THADA: variants seen among roughly 807,000 people sequenced by gnomAD.
THADA encodes tRNA (32-2'-O)-methyltransferase regulator THADA.
In THADA, 213 loss-of-function variants were observed where a neutral mutation model predicts 219.8. That is an observed-to-expected ratio of 0.97 (90% CI 0.87 to 1.09). The LOEUF is 1.09. Ranked by LOEUF, THADA falls within the 50% of genes least tolerant of loss-of-function variation. The pLI is 0.00. For synonymous variants in THADA, 1,018 were observed against 828.9 expected, an observed-to-expected ratio of 1.23 and a Z score of -3.92; for missense variants, 2,956 against 2,311.3, an observed-to-expected ratio of 1.28 and a Z score of -5.72.
intron 22 of THADA, among the ~76,000 whole-genome samples, chr2:43,516,915 T>C (rs971787815): frequency 3.3e-5 from 5 of 152,188 alleles, no homozygotes; most frequent in African/African-American, 1.2e-4. Flanking sequence ...GGGCACGTGA[T>C]TTACAAAATG....
At chr2:43,488,493 T>G (rs1687188724) in intron 25 of THADA, among the ~76,000 whole-genome samples, 1 of 152,216 alleles carries the variant, frequency 6.6e-6, no homozygotes, top group Non-Finnish European at 1.5e-5. Context: ...TCCCCCATGT[T>G]GTAGCATGTA....
At chr2:43,578,395 C>A in intron 9 of THADA, 118 bp downstream of exon 9, 1 of 624,584 alleles carries the variant, frequency 1.6e-6, no homozygotes, top group Admixed American at 2.9e-5. Context: ...GACCCTCCTG[C>A]CCTGGCCTCC....
At chr2:43,289,976 G>GTT (rs59073038) in intron 34 of THADA, among the ~76,000 whole-genome samples, 3 of 92,006 alleles carry the variant, frequency 3.3e-5, no homozygotes, top group Non-Finnish European at 4.2e-5. Context: ...TTTTGTTTTT[G>GTT]TTTTTTTTTT....
intron 26 of THADA, among the ~76,000 whole-genome samples, chr2:43,438,299 CAA>C (rs56108896): frequency 1.2e-4 from 10 of 85,970 alleles, no homozygotes; most frequent in Non-Finnish European, 1.4e-4. Context: ...GACTCCATCT[CAA>C]AAAAAAAAAA....
chr2:43,577,227 G>C lies in THADA; in HGVS notation c.832C>G (p.Leu278Val). Reference protein sequence around the residue: ...KIPHLISSVLLRSVDCTSVPE... With the variant: ...KIPHLISSVLVRSVDCTSVPE... ...ACACTGGTGCAGTCCACTGAACGAA[G>C]CAGCACACTGCTAATCTGGAAAAAT... Residue 278 changes from leucine (L) to valine (V), a missense_variant, in exon 10 of 38, where the codon CTT (leucine) becomes GTT (valine). Physicochemically the swap from Leu to Val is conservative, Grantham distance 32. Coordinates refer to ENST00000405975, the MANE Select transcript of THADA (RefSeq NM_022065.5). 6.3e-7 allele frequency: 1 copy of C among 1,590,638 alleles called. No homozygotes were observed.
At position 43,571,596 on chromosome 2, in the gene THADA, AG is replaced by A. The variant is rs1254679039; in HGVS notation, c.2064+110del. ...AACGGCCGTCATGAACAGATGTGGT[AG>A]CCCAATTCCATGACCATTCCCACAC... On this transcript the variant is annotated intron_variant, in intron 13 of 37. Coordinates refer to ENST00000405975, the MANE Select transcript of THADA (RefSeq NM_022065.5). 39 of 994,462 alleles carry A rather than the reference AG, an allele frequency of 3.9e-5. No homozygotes were observed. In the Admixed American group the frequency reaches 9.0e-4, roughly 23 times the overall value. The allele number at this position is 994,462 out of a possible 1,614,324, so 61.6% of individuals were successfully genotyped here. A position where few individuals can be genotyped will look rare whatever the true frequency, so the allele number is the denominator to read the frequency against.
Position 43,231,243 on chromosome 2 carries a change from G to C in THADA, c.5567C>G (p.Ser1856Ter), listed in dbSNP as rs757581612. The C allele has an allele frequency of 1.2e-6, 2 of 1,613,762 alleles. No homozygotes were observed. The highest frequency in any genetic ancestry group is 1.7e-6 in the Non-Finnish European group (2 of 1,179,796). Residue 1856 changes from serine to a stop codon, truncating the protein, a stop_gained, in exon 38 of 38, where the codon TCA (serine) becomes TGA (stop). Coordinates refer to ENST00000405975, the MANE Select transcript of THADA (RefSeq NM_022065.5). LOFTEE classifies it low-confidence loss of function (END_TRUNC). ...GCTTGGGGGACGCCAGCCGGACTTT[G>C]AGAGGAGACAGAAGAGGTGCTTGCA... ...YLCKHLFCLL[S>*]KSGWRPPSPE... is the part of the protein sequence containing the mutation.
intron 28 of THADA, among the ~76,000 whole-genome samples, chr2:43,406,257 G>A (rs1675520072): frequency 6.6e-6 from 1 of 152,218 alleles, no homozygotes; most frequent in African/African-American, 2.4e-5. Context: ...ACAGGGAGGG[G>A]TGAAGGTACA....
intron 29 of THADA, chr2:43,391,801 T>C (rs1156525072): frequency 6.6e-6 from 1 of 152,218 alleles, no homozygotes; most frequent in Non-Finnish European, 1.5e-5. Context: ...CCTTGGCACA[T>C]CCATAGCCAC....
intron 26 of THADA, among the ~76,000 whole-genome samples, chr2:43,464,954 G>T (rs1684058691): frequency 6.6e-6 from 1 of 152,030 alleles, no homozygotes; most frequent in Non-Finnish European, 1.5e-5. Context: ...GACAAGAACA[G>T]GGGGAAAAAA....
rs983021527 is a variant in THADA, at chr2:43,351,526, T to A, written c.4228-7289A>T. 2.0e-5 allele frequency among the ~76,000 whole-genome samples: 3 copies of A among 152,348 alleles called. No homozygotes were observed. In the South Asian group the frequency reaches 6.2e-4, roughly 32 times the overall value. On this transcript the variant is annotated intron_variant, in intron 29 of 37. Transcript: ENST00000405975. ...CCCACTCCCACCCTAAAACTCACTG[T>A]TTTTCTCTTCAGTGCTCCAACATCT...
intron 36 of THADA, among the ~76,000 whole-genome samples, chr2:43,265,339 A>T (rs1044121809): frequency 6.6e-6 from 1 of 152,244 alleles, no homozygotes; most frequent in Non-Finnish European, 1.5e-5. Context: ...AAATAGTGTG[A>T]AAAATAAAAA....
chr2:43,430,112 G>T (rs1679042372), intron 27 of THADA, 101 bp downstream of exon 27: 1 of 565,034 alleles, frequency 1.8e-6, no homozygotes, highest in African/African-American at 2.0e-5. Context: ...TTTAAAAAAG[G>T]GAAGAATTTT....
At chr2:43,331,391 T>C (rs1327196085) in intron 30 of THADA, among the ~76,000 whole-genome samples, 1 of 152,250 alleles carries the variant, frequency 6.6e-6, no homozygotes, top group Non-Finnish European at 1.5e-5. Flanking sequence ...CTAGAAACTC[T>C]GATGACCACT....
At chr2:43,504,672 A>G (rs1689431662) in intron 24 of THADA, among the ~76,000 whole-genome samples, 1 of 152,124 alleles carries the variant, frequency 6.6e-6, no homozygotes, top group South Asian at 2.1e-4. Context: ...TGAGGTCAGG[A>G]GTTCGAGACC....
At chr2:43,277,458 C>T (rs966420208) in intron 36 of THADA, among the ~76,000 whole-genome samples, 11 of 152,202 alleles carry the variant, frequency 7.2e-5, no homozygotes, top group African/African-American at 2.4e-4. Context: ...ACATCTCTCC[C>T]TTCCTTTGGG....
intron 29 of THADA, among the ~76,000 whole-genome samples, chr2:43,373,582 T>A (rs112972772): frequency 0.064 from 9,784 of 152,184 alleles, 397 homozygotes; most frequent in Non-Finnish European, 0.097. Context: ...GTTCAAGCGA[T>A]TCTCCTACCT....
chr2:43,329,497 G>A (rs10210507), intron 30 of THADA, among the ~76,000 whole-genome samples: 20 of 151,906 alleles, frequency 1.3e-4, no homozygotes, highest in Admixed American at 1.3e-4. Flanking sequence ...AAAATAGTAC[G>A]AATGATAATA....
At chr2:43,248,220 GAGAGAGAGAGAC>G (rs1355711316) in intron 36 of THADA, among the ~76,000 whole-genome samples, 4 of 143,752 alleles carry the variant, frequency 2.8e-5, no homozygotes, top group African/African-American at 1.1e-4. Context: ...GAGAGACAGA[GAGAGAGAGAGAC>G]AGAGAGAGAG....
Sources: gnomAD v4.1 joint callset for allele counts (sites outside exome capture counted in the v4.1 genomes callset) on GRCh38, gnomAD v4.1.1 for gene constraint, MANE v1.5 for transcripts, NCBI Gene and HGNC (gene_info 2026-07-23, HGNC 2026-07-21) for gene names.